Variants in PATJ observed in about 807,000 individuals in gnomAD.
The protein encoded by PATJ is PATJ crumbs cell polarity complex component.
In PATJ, 190 loss-of-function variants were observed where a neutral mutation model predicts 224.9. The ratio of observed to expected loss-of-function variants is 0.84; its 90% CI spans 0.75 to 0.95. PATJ has a LOEUF of 0.95. Among genes scored for constraint, PATJ ranks in the 40% least tolerant of loss-of-function variants. The pLI, the probability that PATJ is intolerant of heterozygous loss-of-function variation, is 0.00. For synonymous variants in PATJ, 769 were observed against 820.3 expected, an observed-to-expected ratio of 0.94 and a Z score of 1.07; for missense variants, 2,121 against 2,270.3, an observed-to-expected ratio of 0.93 and a Z score of 1.34.
At chr1:62,097,081 T>G (rs1166548713) in intron 33 of PATJ, among the ~76,000 whole-genome samples, 1 of 152,146 alleles carries the variant, frequency 6.6e-6, no homozygotes, top group Non-Finnish European at 1.5e-5. Context: ...TTAGTTCCAT[T>G]TTGCAGAGGC....
intron 40 of PATJ, 135 bp from the exon 41 acceptor site, chr1:62,128,706 T>C (rs1665971626): frequency 3.1e-6 from 2 of 649,932 alleles, no homozygotes; most frequent in Admixed American, 4.6e-5. Flanking sequence ...TTCTTGAACA[T>C]GCATGCACGG....
intron 14 of PATJ, among the ~76,000 whole-genome samples, chr1:61,813,397 A>T (rs1655364655): frequency 7.0e-6 from 1 of 141,900 alleles, no homozygotes; most frequent in Non-Finnish European, 1.5e-5. Flanking sequence ...ACACACACAC[A>T]CATACACACA....
intron 1 of PATJ, among the ~76,000 whole-genome samples, chr1:61,744,746 C>CT (rs1448682574): frequency 6.6e-6 from 1 of 152,162 alleles, no homozygotes; most frequent in East Asian, 1.9e-4. Context: ...GATTCTGAAA[C>CT]TATTTACCTG....
At chr1:62,101,857 C>T (rs1407335674) in intron 33 of PATJ, among the ~76,000 whole-genome samples, 1 of 152,070 alleles carries the variant, frequency 6.6e-6, no homozygotes, top group African/African-American at 2.4e-5. Flanking sequence ...TTCACTGGCT[C>T]TTGAGTTGGC....
chr1:61,874,603 G>A (rs1031593123), intron 20 of PATJ, among the ~76,000 whole-genome samples: 1 of 152,148 alleles, frequency 6.6e-6, no homozygotes, highest in Non-Finnish European at 1.5e-5. Context: ...CTTCACCTTG[G>A]GGGTTAGGAT....
intron 28 of PATJ, among the ~76,000 whole-genome samples, chr1:62,008,269 G>A (rs762364686): frequency 3.3e-5 from 5 of 152,146 alleles, no homozygotes; most frequent in South Asian, 2.1e-4. Context: ...GTGATGAGAG[G>A]ATTTGAAGGA....
At chr1:61,974,379 A>C (rs1643999465) in intron 27 of PATJ, among the ~76,000 whole-genome samples, 2 of 147,152 alleles carry the variant, frequency 1.4e-5, no homozygotes, top group African/African-American at 2.5e-5. Flanking sequence ...TGCCTCAGAG[A>C]TACCCCCATC....
At chr1:62,116,291 A>G (rs947612893) in intron 35 of PATJ, among the ~76,000 whole-genome samples, 17 of 152,230 alleles carry the variant, frequency 1.1e-4, no homozygotes, top group South Asian at 2.1e-4. Flanking sequence ...CTGTATGTCC[A>G]TCAGTAAGCT....
At chr1:61,827,662 A>C in intron 16 of PATJ, 79 bp downstream of exon 16, 1 of 1,367,728 alleles carries the variant, frequency 7.3e-7, no homozygotes, top group Non-Finnish European at 9.9e-7. Flanking sequence ...TGCAATAAGA[A>C]GGGAGGGGAA....
In PATJ at chr1:61,823,058, G is replaced by C. The variant is rs1286812; in HGVS notation, c.1797G>C (p.Gln599His). 1.4e-3 allele frequency: 2,329 copies of C among 1,614,038 alleles called. 43 individuals are homozygous for C. The African/African-American group carries it at 0.028, about 19-fold the overall frequency. ...GGPVDTLGLL[Q>H]PEDELLEVNG... is the part of the protein sequence containing the mutation. Reference sequence around the variant, plus strand: ...CTGTTGATACATTGGGTCTCCTACAGCCAGAAGATGAGCTGCTTGAGGTAA... The same window carrying C: ...CTGTTGATACATTGGGTCTCCTACACCCAGAAGATGAGCTGCTTGAGGTAA... The change falls in exon 15 of 44, where the codon CAG becomes CAC. Residue 599 changes from glutamine (Q) to histidine (H), a missense_variant. Transcript: ENST00000642238.
chr1:61,980,435 A>ATT (rs1187668459), intron 27 of PATJ, among the ~76,000 whole-genome samples: 1 of 122,352 alleles, frequency 8.2e-6, no homozygotes, highest in Admixed American at 8.2e-5. Flanking sequence ...TACTTATATA[A>ATT]TTTGTGTGTG....
chr1:61,871,485 G>GCGTATATATGTATATACACA (rs1666518634), intron 20 of PATJ, among the ~76,000 whole-genome samples: 4 of 100,184 alleles, frequency 4.0e-5, no homozygotes, highest in East Asian at 2.3e-4. Flanking sequence ...ATATATATGT[G>GCGTATATATGTATATACACA]TATATATGTA....
chr1:62,144,769 A>ACATATATATATATATATATATATATAT, intron 41 of PATJ, among the ~76,000 whole-genome samples: 1 of 58,718 alleles, frequency 1.7e-5, no homozygotes, highest in African/African-American at 6.6e-5. Context: ...TTATTTGCAA[A>ACATATATATATATATATATATATATAT]AAAAAAAAAT....
chr1:61,909,735 T>C (rs1672348772), intron 25 of PATJ, among the ~76,000 whole-genome samples: 1 of 152,198 alleles, frequency 6.6e-6, no homozygotes, highest in Non-Finnish European at 1.5e-5. Flanking sequence ...CTTTCCAATA[T>C]AGTTTTGTAG....
intron 35 of PATJ, among the ~76,000 whole-genome samples, chr1:62,115,655 TTTCC>T (rs2148896385): frequency 6.7e-6 from 1 of 148,660 alleles, no homozygotes; most frequent in African/African-American, 2.5e-5. Context: ...GGCTATAGGA[TTTCC>T]AGGTAATATC....
chr1:61,869,847 G>C (rs1666054546), intron 20 of PATJ, among the ~76,000 whole-genome samples: 1 of 152,250 alleles, frequency 6.6e-6, no homozygotes, highest in African/African-American at 2.4e-5. Context: ...GAGCACTCAG[G>C]TGAGCGGGTG....
At chr1:61,889,843 T>C (rs576676184) in intron 22 of PATJ, among the ~76,000 whole-genome samples, 3 of 152,366 alleles carry the variant, frequency 2.0e-5, no homozygotes, top group African/African-American at 7.2e-5. Flanking sequence ...AGCTAACTGA[T>C]ACCAAGGAAA....
At chr1:62,157,300 GAT>G (rs1669327859) in intron 43 of PATJ, among the ~76,000 whole-genome samples, 1 of 150,498 alleles carries the variant, frequency 6.6e-6, no homozygotes, top group Non-Finnish European at 1.5e-5. Context: ...CTCCAGCCTG[GAT>G]GACAGAGCAA....
intron 27 of PATJ, among the ~76,000 whole-genome samples, chr1:61,937,345 G>A (rs972858037): frequency 1.3e-5 from 2 of 151,986 alleles, no homozygotes; most frequent in Admixed American, 6.6e-5. Context: ...CAATCTTCCC[G>A]CCTCAGCCTC....
Sources: allele counts gnomAD v4.1 joint callset (sites outside exome capture counted in the v4.1 genomes callset), GRCh38; gene constraint gnomAD v4.1.1; transcripts MANE v1.5; gene names NCBI Gene and HGNC (gene_info 2026-07-23, HGNC 2026-07-21).